PAPOLG: variants seen among roughly 807,000 people sequenced by gnomAD.
PAPOLG encodes poly(A) polymerase gamma, also known as PAP-gamma.
PAPOLG carries 40 observed loss-of-function variants against 99.0 expected under a neutral mutation model. The observed-to-expected ratio is 0.40, with a 90% CI of 0.31 to 0.53. The LOEUF (loss-of-function observed/expected upper bound fraction) is 0.53, where lower values mean the gene tolerates loss of function less well. Among genes scored for constraint, PAPOLG ranks in the 20% least tolerant of loss-of-function variants. The pLI is 0.41. For synonymous variants in PAPOLG, 310 were observed against 299.3 expected, an observed-to-expected ratio of 1.04 and a Z score of -0.37; for missense variants, 675 against 884.1, an observed-to-expected ratio of 0.76 and a Z score of 3.00.
rs1670855491 is a variant in PAPOLG at position 60,771,689 on chromosome 2, TA to T, written c.604+60del. On this transcript the variant is annotated intron_variant, in intron 7 of 21. Coordinates refer to ENST00000238714, the MANE Select transcript of PAPOLG (RefSeq NM_022894.4). ...TTCAGAACAATTAGAGAAATATAGA[TA>T]TTTTTGCTGAATTGACTATTCAGTT... 9.7e-6 allele frequency: 15 copies of T among 1,544,968 alleles called. No individual in the cohort carries two copies. The South Asian group carries it at 1.9e-4, about 19-fold the overall frequency.
intron 5 of PAPOLG, among the ~76,000 whole-genome samples, chr2:60,769,468 A>G (rs978215374): frequency 3.9e-5 from 6 of 152,292 alleles, no homozygotes; most frequent in African/African-American, 1.4e-4. Context: ...TGCATTCTGA[A>G]GTGCTAGAAT....
chr2:60,763,475 G>A (rs1243211105), intron 3 of PAPOLG, among the ~76,000 whole-genome samples: 1 of 151,898 alleles, frequency 6.6e-6, no homozygotes, highest in Non-Finnish European at 1.5e-5. Context: ...CTGCAGATAC[G>A]GAAGGCTAAC....
At chr2:60,758,421 GAT>G (rs1491307189) in intron 1 of PAPOLG, among the ~76,000 whole-genome samples, 7 of 105,282 alleles carry the variant, frequency 6.6e-5, no homozygotes, top group African/African-American at 2.3e-4. Flanking sequence ...TGCCTAATGA[GAT>G]TTTTTTTTTT....
At chr2:60,766,445 C>CT (rs1670677765) in intron 3 of PAPOLG, among the ~76,000 whole-genome samples, 1 of 152,136 alleles carries the variant, frequency 6.6e-6, no homozygotes, top group South Asian at 2.1e-4. Flanking sequence ...AGGAGGATCG[C>CT]TTTAAAACAG....
At chr2:60,776,706 G>A (rs1671032202) in intron 8 of PAPOLG, among the ~76,000 whole-genome samples, 1 of 152,104 alleles carries the variant, frequency 6.6e-6, no homozygotes, top group Non-Finnish European at 1.5e-5. Flanking sequence ...GGGATTACAA[G>A]CATGAGCCAC....
Position 60,782,678 on chromosome 2 carries a change from T to TTTTTTTTTTGTTTTTTTTTA in PAPOLG, c.1028-8_1028-7insTTTTTTTTTGTTTTTTTTTA. ...CTTTTTTTTTTTTTTTTTTTTTTTT[T>TTTTTTTTTTGTTTTTTTTTA]AATTTAGGTCTTGCAGTCACAGATG... On this transcript the variant is annotated splice_polypyrimidine_tract_variant and splice_region_variant and intron_variant, in intron 11 of 21. Coordinates refer to ENST00000238714, the MANE Select transcript of PAPOLG (RefSeq NM_022894.4). 1 of 1,379,938 alleles carries TTTTTTTTTTGTTTTTTTTTA rather than the reference T, an allele frequency of 7.2e-7. No individual in the cohort carries two copies. The highest frequency in any genetic ancestry group is 9.4e-7 in the Non-Finnish European group (1 of 1,061,938). The allele number at this position is 1,379,938 out of a possible 1,614,324, so 85.5% of individuals were successfully genotyped here. A position where few individuals can be genotyped will look rare whatever the true frequency, so the allele number is the denominator to read the frequency against.
intron 13 of PAPOLG, among the ~76,000 whole-genome samples, chr2:60,785,604 C>G (rs1465729475): frequency 6.6e-6 from 1 of 151,884 alleles, no homozygotes; most frequent in Non-Finnish European, 1.5e-5. Context: ...ATACTGCAAC[C>G]TCAAACTCCT....
At chr2:60,766,810 A>C (rs1268405970) in intron 3 of PAPOLG, among the ~76,000 whole-genome samples, 1 of 152,120 alleles carries the variant, frequency 6.6e-6, no homozygotes, top group Non-Finnish European at 1.5e-5. Context: ...GTTGGTAGGT[A>C]GTTGGAGCTT....
At position 60,775,214 on chromosome 2, in the gene PAPOLG, T is replaced by C. The variant is rs1365136300; in HGVS notation, c.694+91T>C. 7 of 1,403,556 alleles carry C rather than the reference T, an allele frequency of 5.0e-6. No homozygotes were observed. The African/African-American group carries it at 1.0e-4, about 20-fold the overall frequency. The allele number at this position is 1,403,556 out of a possible 1,614,324, so 86.9% of individuals were successfully genotyped here. On this transcript the variant is annotated intron_variant, in intron 8 of 21. Transcript: ENST00000238714. ...GCATATATAGAAACTCTGAACCTAA[T>C]GATATTGTTGGAGGTTAAGGGCCAA...
At position 60,800,005 on chromosome 2, in the gene PAPOLG, A is replaced by G. The variant is rs1298708627; in HGVS notation, c.*2845A>G. 1 of 152,304 alleles carries G rather than the reference A, an allele frequency of 6.6e-6. No homozygotes were observed. Among genetic ancestry groups the G allele is most frequent in the Non-Finnish European group, 1.5e-5 (1 of 68,032 alleles). The allele number at this position is 152,304 out of a possible 1,614,324, so 9.4% of individuals were successfully genotyped here. ...AATCTGTTCTTCAGTATATAGACAC[A>G]TGTTCATTTTCACAAGGGCATTACA... is the stretch of plus-strand genomic sequence containing the variant. On this transcript the variant is annotated 3_prime_UTR_variant, in exon 22 of 22. Coordinates refer to ENST00000238714, the MANE Select transcript of PAPOLG (RefSeq NM_022894.4).
intron 3 of PAPOLG, among the ~76,000 whole-genome samples, chr2:60,765,411 TA>T (rs1215377157): frequency 1.2e-4 from 17 of 146,616 alleles, no homozygotes; most frequent in African/African-American, 2.0e-4. Flanking sequence ...TTTTTGATTT[TA>T]AAAAAAAAAG....
intron 13 of PAPOLG, among the ~76,000 whole-genome samples, chr2:60,783,500 C>CTTTTTTTTTTTTTTTTTTTTTTTTTTT (rs761205449): frequency 4.4e-5 from 2 of 45,362 alleles, no homozygotes; most frequent in Non-Finnish European, 8.9e-5. Flanking sequence ...TTTACCCGGC[C>CTTTTTTTTTTTTTTTTTTTTTTTTTTT]TTTTTTTTTT....
chr2:60,779,497 A>G, intron 8 of PAPOLG, 140 bp from the exon 9 acceptor site: 1 of 960,494 alleles, frequency 1.0e-6, no homozygotes, highest in Non-Finnish European at 1.5e-6. Flanking sequence ...ATAGGGGAAA[A>G]TTTCCAACCA....
chr2:60,764,422 T>C (rs1670612714), intron 3 of PAPOLG, among the ~76,000 whole-genome samples: 1 of 151,956 alleles, frequency 6.6e-6, no homozygotes, highest in Non-Finnish European at 1.5e-5. Context: ...TGCAGATTTT[T>C]TTTTTTTTTT....
Position 60,774,687 on chromosome 2 carries a change from C to T in PAPOLG, c.605-347C>T, listed in dbSNP as rs552265092. Among the ~76,000 whole-genome samples, 5 of 152,260 alleles carry T rather than the reference C, an allele frequency of 3.3e-5. 1 individual carries two copies. The South Asian group carries it at 1.0e-3, about 32-fold the overall frequency. On this transcript the variant is annotated intron_variant, in intron 7 of 21. Coordinates refer to ENST00000238714, the MANE Select transcript of PAPOLG (RefSeq NM_022894.4). ...CTTGTTTGACCGAATCATTATTGCACTTTGGTGTATTTCCAGATTGTAACA... is the reference window on the plus strand; with the variant it reads ...CTTGTTTGACCGAATCATTATTGCATTTTGGTGTATTTCCAGATTGTAACA...
intron 1 of PAPOLG, among the ~76,000 whole-genome samples, chr2:60,759,186 G>C (rs1670448414): frequency 6.6e-6 from 1 of 152,118 alleles, no homozygotes; most frequent in African/African-American, 2.4e-5. Context: ...CTGGCAACAT[G>C]GCGAAACTCC....
At position 60,768,767 on chromosome 2, in the gene PAPOLG, A is replaced by G; in HGVS notation, c.329-14A>G. On this transcript the variant is annotated splice_polypyrimidine_tract_variant and intron_variant, in intron 4 of 21. Coordinates refer to ENST00000238714, the MANE Select transcript of PAPOLG (RefSeq NM_022894.4). ...CATAATATATTCTTAATTAAGAACTACTTTAATTTACAGGAGCTGACATTG... is the reference window on the plus strand; with the variant it reads ...CATAATATATTCTTAATTAAGAACTGCTTTAATTTACAGGAGCTGACATTG... 2 of 1,528,716 alleles carry G rather than the reference A, an allele frequency of 1.3e-6. No individual in the cohort carries two copies. Among genetic ancestry groups the G allele is most frequent in the East Asian group, 2.3e-5 (1 of 43,902 alleles). The allele number at this position is 1,528,716 out of a possible 1,614,324, so 94.7% of individuals were successfully genotyped here.
intron 13 of PAPOLG, among the ~76,000 whole-genome samples, chr2:60,783,500 CTTTTTTTTTTTT>C (rs761205449): frequency 4.4e-5 from 2 of 45,364 alleles, no homozygotes; most frequent in East Asian, 3.9e-4. Context: ...TTTACCCGGC[CTTTTTTTTTTTT>C]TTTTTTTTTT....
intron 13 of PAPOLG, among the ~76,000 whole-genome samples, chr2:60,785,768 G>C (rs909307695): frequency 1.3e-5 from 2 of 149,564 alleles, no homozygotes; most frequent in African/African-American, 2.5e-5. Flanking sequence ...CTGGCTTCAC[G>C]TGATCCTCCC....
Sources: gnomAD v4.1 joint callset for allele counts (sites outside exome capture counted in the v4.1 genomes callset) on GRCh38, gnomAD v4.1.1 for gene constraint, MANE v1.5 for transcripts, NCBI Gene and HGNC (gene_info 2026-07-23, HGNC 2026-07-21) for gene names.